Variants in TSHZ3 observed in about 807,000 individuals in gnomAD.
The protein encoded by TSHZ3 is teashirt zinc finger homeobox 3.
Under a neutral mutation model 64.5 loss-of-function variants are expected in TSHZ3, and 10 were observed. That is an observed-to-expected ratio of 0.16 (90% CI 0.10 to 0.26). TSHZ3 has a LOEUF of 0.26. Among genes scored for constraint, TSHZ3 ranks in the 10% least tolerant of loss-of-function variants. The probability of loss-of-function intolerance (pLI) is 1.00; values close to 1 mark genes in which losing one functional copy is unlikely to be tolerated. For missense variants in TSHZ3, 1,242 were observed against 1,421.7 expected (o/e 0.87, Z 2.03); for synonymous variants, 608 against 593.1 (o/e 1.03, Z -0.36).
At chr19:31,208,463 T>C (rs1339251367) in intron 4 of TSHZ3, among the ~76,000 whole-genome samples, 1 of 152,214 alleles carries the variant, frequency 6.6e-6, no homozygotes, top group Non-Finnish European at 1.5e-5. Context: ...TCATGAAGAC[T>C]GTATACATGG....
chr19:31,261,468 G>C (rs2145199118), intron 1 of TSHZ3, among the ~76,000 whole-genome samples: 1 of 152,164 alleles, frequency 6.6e-6, no homozygotes, highest in East Asian at 1.9e-4. Context: ...TAGTCATGTT[G>C]TATTACTTCT....
chr19:31,157,429 A>G (rs1974319377), intron 5 of TSHZ3, among the ~76,000 whole-genome samples: 1 of 152,180 alleles, frequency 6.6e-6, no homozygotes, highest in African/African-American at 2.4e-5. Flanking sequence ...TTTTTGCTCT[A>G]AAAGGTTAGA....
intron 1 of TSHZ3, among the ~76,000 whole-genome samples, chr19:31,299,670 G>A (rs999431222): frequency 7.9e-5 from 12 of 152,212 alleles, no homozygotes; most frequent in South Asian, 2.1e-4. Flanking sequence ...AAAGGTCCCC[G>A]TGTCCACACA....
chr19:31,214,146 G>C (rs1975295583), intron 4 of TSHZ3, among the ~76,000 whole-genome samples: 1 of 152,152 alleles, frequency 6.6e-6, no homozygotes, highest in South Asian at 2.1e-4. Flanking sequence ...GTAAGTTTTG[G>C]CGCTTCCGGC....
In TSHZ3 at chr19:31,204,009, C is replaced by T. The variant is rs150126431; in HGVS notation, n.809+947G>A. Among the ~76,000 whole-genome samples the T allele has an allele frequency of 2.4e-3, 360 of 152,200 alleles. 2 individuals carry two copies. The highest frequency in any genetic ancestry group is 0.02 in the Middle Eastern group (6 of 294). On this transcript the variant is annotated intron_variant and non_coding_transcript_variant, in intron 5 of 6. Transcript: ENST00000651361. ...CGGAAGGTGAAGGGGAAGCAAACACCTTCACATGGCTGCAAGAGAGCGAAG... is the reference window on the plus strand; with the variant it reads ...CGGAAGGTGAAGGGGAAGCAAACACTTTCACATGGCTGCAAGAGAGCGAAG...
At chr19:31,232,253 G>A (rs557046236) in intron 3 of TSHZ3, among the ~76,000 whole-genome samples, 6 of 152,026 alleles carry the variant, frequency 3.9e-5, no homozygotes, top group Admixed American at 1.3e-4. Flanking sequence ...CCAGAGAATC[G>A]AGGACATGTT....
intron 1 of TSHZ3, among the ~76,000 whole-genome samples, chr19:31,330,335 T>C (rs1004559368): frequency 5.9e-5 from 9 of 152,176 alleles, no homozygotes; most frequent in African/African-American, 2.2e-4. Context: ...GGTGGAGCAG[T>C]GAGCTGACCG....
At chr19:31,274,466 G>A (rs867387008), downstream of TSHZ3, among the ~76,000 whole-genome samples, 22 of 152,192 alleles carry the variant, frequency 1.4e-4, 1 homozygote, top group Middle Eastern at 0.014. Flanking sequence ...TGTCTGACCC[G>A]ATTGGTTCTG....
chr19:31,238,830 C>T (rs778937663), intron 3 of TSHZ3, among the ~76,000 whole-genome samples: 97 of 152,070 alleles, frequency 6.4e-4, no homozygotes, highest in Non-Finnish European at 1.0e-3. Context: ...CACTTTTTTT[C>T]CTAGTCAAAA....
chr19:31,334,830 G>T (rs1175383074), intron 1 of TSHZ3, among the ~76,000 whole-genome samples: 1 of 152,144 alleles, frequency 6.6e-6, no homozygotes, highest in Non-Finnish European at 1.5e-5. Context: ...CCATGTCAGA[G>T]AATCCATAAC....
chr19:31,193,417 T>C (rs1974941629), intron 5 of TSHZ3, among the ~76,000 whole-genome samples: 1 of 152,124 alleles, frequency 6.6e-6, no homozygotes, highest in Admixed American at 6.5e-5. Context: ...GTGGCTGTCT[T>C]GATGGATGAG....
chr19:31,309,496 T>A (rs963135439), intron 1 of TSHZ3, among the ~76,000 whole-genome samples: 1 of 152,024 alleles, frequency 6.6e-6, no homozygotes, highest in Non-Finnish European at 1.5e-5. Flanking sequence ...CAGTATAACA[T>A]ATGACACTCA....
At chr19:31,227,395 G>T (rs914993011) in intron 4 of TSHZ3, among the ~76,000 whole-genome samples, 3 of 152,106 alleles carry the variant, frequency 2.0e-5, no homozygotes, top group Non-Finnish European at 4.4e-5. Context: ...AACAAATTTT[G>T]CTGACACAAT....
At chr19:31,308,628 A>C (rs1599639528) in intron 1 of TSHZ3, 1 of 398,556 alleles carries the variant, frequency 2.5e-6, no homozygotes, top group Non-Finnish European at 4.4e-6. Context: ...CCACAGGTAC[A>C]CAGGGGTAGT....
At chr19:31,285,363 C>T (rs1437244842) in intron 1 of TSHZ3, among the ~76,000 whole-genome samples, 1 of 151,774 alleles carries the variant, frequency 6.6e-6, no homozygotes, top group Non-Finnish European at 1.5e-5. Context: ...GCCTGTAGTC[C>T]CAACTACTTA....
chr19:31,209,895 G>T (rs980512534), intron 4 of TSHZ3, among the ~76,000 whole-genome samples: 2 of 152,090 alleles, frequency 1.3e-5, no homozygotes, highest in Admixed American at 6.5e-5. Context: ...CAGCCAAGGT[G>T]TGTGGAGTGG....
intron 5 of TSHZ3, among the ~76,000 whole-genome samples, chr19:31,196,667 G>A (rs946105787): frequency 3.3e-5 from 5 of 151,916 alleles, no homozygotes; most frequent in Middle Eastern, 3.2e-3. Flanking sequence ...AAGAAAGTGG[G>A]AGTAGCTATA....
chr19:31,301,676 C>T (rs533784039), intron 1 of TSHZ3, among the ~76,000 whole-genome samples: 113 of 152,266 alleles, frequency 7.4e-4, no homozygotes, highest in Middle Eastern at 3.4e-3. Context: ...AGGGTCGGGT[C>T]AGAAGGTGTC....
chr19:31,285,248 G>A (rs1976436110), intron 1 of TSHZ3, among the ~76,000 whole-genome samples: 1 of 152,160 alleles, frequency 6.6e-6, no homozygotes, highest in Non-Finnish European at 1.5e-5. Context: ...GGGAGGCCGA[G>A]GTGGAAGAAA....
Sources: gnomAD v4.1 joint callset for allele counts (sites outside exome capture counted in the v4.1 genomes callset) on GRCh38, gnomAD v4.1.1 for gene constraint, MANE v1.5 for transcripts, NCBI Gene and HGNC (gene_info 2026-07-23, HGNC 2026-07-21) for gene names.